The following IGF1R variants were observed in gnomAD, a reference collection of about 807,000 sequenced individuals.
IGF1R encodes insulin-like growth factor 1 receptor.
In IGF1R, 44 loss-of-function variants were observed where a neutral mutation model predicts 144.6. The observed-to-expected ratio is 0.30, with a 90% CI of 0.24 to 0.39. IGF1R has a LOEUF of 0.39. Ranked by LOEUF, IGF1R falls within the 10% of genes least tolerant of loss-of-function variation. IGF1R has a pLI of 1.00. For missense variants in IGF1R, 1,355 were observed against 1,833.7 expected (o/e 0.74, Z 4.77); for synonymous variants, 795 against 722.8 (o/e 1.10, Z -1.60).
chr15:98,852,799 G>A (rs543478490), intron 2 of IGF1R, among the ~76,000 whole-genome samples: 4 of 152,284 alleles, frequency 2.6e-5, no homozygotes, highest in Non-Finnish European at 5.9e-5. Context: ...ATTACGGGCT[G>A]CTGTTTACAA....
rs17847204 is a variant in IGF1R, at chr15:98,958,077, G to C, written c.*635G>C. 1.3e-5 allele frequency: 3 copies of C among 233,868 alleles called. No individual in the cohort carries two copies. Among genetic ancestry groups the C allele is most frequent in the African/African-American group, 4.4e-5 (2 of 45,300 alleles). The allele number at this position is 233,868 out of a possible 1,614,324, so 14.5% of individuals were successfully genotyped here. On this transcript the variant is annotated 3_prime_UTR_variant, in exon 21 of 21. Transcript: ENST00000650285. The stretch of plus-strand genomic sequence containing the variant: ...CTCATCGGCCCGGCGCTGATTCCTC[G>C]TGTCCGGAGGCATGGGTGAGCATGG...
intron 13 of IGF1R, 142 bp downstream of exon 13, chr15:98,924,826 C>T (rs1006871054): frequency 1.8e-5 from 14 of 764,776 alleles, no homozygotes; most frequent in South Asian, 6.1e-5. Flanking sequence ...GCTAAGGTGC[C>T]GGCACATACC....
chr15:98,812,974 A>G (rs938619289), intron 2 of IGF1R, among the ~76,000 whole-genome samples: 8 of 152,300 alleles, frequency 5.3e-5, no homozygotes, highest in Admixed American at 1.3e-4. Context: ...CCAGTCTTCT[A>G]TCGAAAAACA....
At chr15:98,916,605 T>A in intron 9 of IGF1R, 67 bp from the exon 10 acceptor site, 1 of 1,349,390 alleles carries the variant, frequency 7.4e-7, no homozygotes, top group Non-Finnish European at 1.1e-6. Flanking sequence ...GAGCTATTAT[T>A]TTTCCTTACA....
intron 2 of IGF1R, among the ~76,000 whole-genome samples, chr15:98,751,819 G>A (rs188767870): frequency 6.6e-6 from 1 of 152,088 alleles, no homozygotes; most frequent in South Asian, 2.1e-4. Context: ...AGCTTCCCAC[G>A]AATAAGAAAA....
At chr15:98,949,131 G>A (rs1024657787) in intron 20 of IGF1R, among the ~76,000 whole-genome samples, 7 of 152,172 alleles carry the variant, frequency 4.6e-5, no homozygotes, top group African/African-American at 1.7e-4. Context: ...TGAGGGAGCC[G>A]CCGCAGTGAG....
intron 13 of IGF1R, 110 bp downstream of exon 13, chr15:98,924,794 G>A: frequency 9.7e-7 from 1 of 1,031,410 alleles, no homozygotes; most frequent in East Asian, 2.4e-5. Flanking sequence ...AAATGGAGTT[G>A]GCCAGCTTCC....
chr15:98,841,468 T>TAG (rs368280464), intron 2 of IGF1R, among the ~76,000 whole-genome samples: 2 of 152,030 alleles, frequency 1.3e-5, no homozygotes, highest in South Asian at 2.1e-4. Context: ...AAGTATCAGC[T>TAG]AGAGAGAGAG....
chr15:98,749,918 T>A (rs2054966001), intron 2 of IGF1R, among the ~76,000 whole-genome samples: 1 of 150,240 alleles, frequency 6.7e-6, no homozygotes. Flanking sequence ...AAAAAAAGAA[T>A]CTGTTCTACT....
At chr15:98,808,537 A>C (rs2056514528) in intron 2 of IGF1R, among the ~76,000 whole-genome samples, 2 of 152,214 alleles carry the variant, frequency 1.3e-5, no homozygotes, top group South Asian at 2.1e-4. Context: ...ATTCATTGAG[A>C]ACACACTGTA....
chr15:98,682,192 T>G (rs2053206804), intron 1 of IGF1R, among the ~76,000 whole-genome samples: 1 of 152,178 alleles, frequency 6.6e-6, no homozygotes, highest in Admixed American at 6.5e-5. Flanking sequence ...TTTGAGTAAC[T>G]TCCGTCTCCT....
intron 2 of IGF1R, among the ~76,000 whole-genome samples, chr15:98,801,062 A>C (rs748787106): frequency 3.9e-5 from 6 of 152,076 alleles, no homozygotes; most frequent in Non-Finnish European, 5.9e-5. Context: ...AAATGGTAGG[A>C]GAGGTAGGAA....
chr15:98,878,683 A>AC (rs1567174335), intron 2 of IGF1R, among the ~76,000 whole-genome samples: 9 of 145,334 alleles, frequency 6.2e-5, no homozygotes, highest in African/African-American at 2.4e-4. Flanking sequence ...AAAAAAAAAA[A>AC]AAAAAAAAAA....
At chr15:98,723,440 C>T (rs1421184867) in intron 2 of IGF1R, among the ~76,000 whole-genome samples, 1 of 152,184 alleles carries the variant, frequency 6.6e-6, no homozygotes, top group South Asian at 2.1e-4. Context: ...TCTGCCGAAA[C>T]AAATAAGTCA....
At position 98,707,813 on chromosome 15, in the gene IGF1R, G is replaced by T; in HGVS notation, c.346G>T (p.Ala116Ser). The change falls in exon 2 of 21, where the codon GCC becomes TCC. Residue 116 changes from alanine (A) to serine (S), a missense_variant. Physicochemically the swap from Ala to Ser is moderately conservative, Grantham distance 99 (BLOSUM62 1). This residue lies in a region of IGF1R where 75 missense variants were observed against 160.0 expected (regional missense o/e 0.47). Coordinates refer to ENST00000650285, the MANE Select transcript of IGF1R (RefSeq NM_000875.5). This position sits in a 1 kb window ranked among gnomAD's most constrained non-coding sequence, Gnocchi z 6.7. ...CGGCTGGAAACTCTTCTACAACTAC[G>T]CCCTGGTCATCTTCGAGATGACCAA... ...IRGWKLFYNY[A>S]LVIFEMTNLK... 6.2e-7 allele frequency: 1 copy of T among 1,614,086 alleles called. No individual in the cohort carries two copies.
In IGF1R at chr15:98,959,844, G is replaced by A. The variant is rs545702374; in HGVS notation, c.*2402G>A. 2.2e-4 allele frequency: 41 copies of A among 185,222 alleles called. No homozygotes were observed. The highest frequency in any genetic ancestry group is 2.1e-3 in the East Asian group (31 of 14,692). The allele number at this position is 185,222 out of a possible 1,614,324, so 11.5% of individuals were successfully genotyped here. A position where few individuals can be genotyped will look rare whatever the true frequency, so the allele number is the denominator to read the frequency against. On this transcript the variant is annotated 3_prime_UTR_variant, in exon 21 of 21. Coordinates refer to ENST00000650285, the MANE Select transcript of IGF1R (RefSeq NM_000875.5). ...CTTTCTCTAGTCTCTATCCCATAGCGTGTTCCCTTTAAAAAAAAAAAAAAG... is the reference window on the plus strand; with the variant it reads ...CTTTCTCTAGTCTCTATCCCATAGCATGTTCCCTTTAAAAAAAAAAAAAAG...
intron 3 of IGF1R, among the ~76,000 whole-genome samples, chr15:98,895,258 A>T (rs2014134015): frequency 8.5e-6 from 1 of 117,698 alleles, no homozygotes; most frequent in East Asian, 2.5e-4. Flanking sequence ...ACACACACAC[A>T]CACACACACA....
intron 2 of IGF1R, among the ~76,000 whole-genome samples, chr15:98,809,704 G>A (rs568992039): frequency 2.6e-5 from 4 of 152,318 alleles, no homozygotes; most frequent in African/African-American, 9.6e-5. Context: ...GTTTTCCAAC[G>A]TAAAGTGCTG....
At chr15:98,729,800 C>T (rs142419703) in intron 2 of IGF1R, among the ~76,000 whole-genome samples, 18 of 152,238 alleles carry the variant, frequency 1.2e-4, no homozygotes, top group African/African-American at 3.1e-4. Context: ...GCCCTTGGCA[C>T]GATGTGTGTG....
Sources: gnomAD v4.1 joint callset for allele counts (sites outside exome capture counted in the v4.1 genomes callset) on GRCh38, gnomAD v4.1.1 for gene constraint, gnomAD v4.1.1 regional missense constraint, Gnocchi (gnomAD v3.1) non-coding constraint, MANE v1.5 for transcripts, NCBI Gene and HGNC (gene_info 2026-07-23, HGNC 2026-07-21) for gene names.